Variants in DACH2 observed in about 807,000 individuals in gnomAD.
The protein encoded by DACH2 is dachshund family transcription factor 2, also known as dachshund homolog 2.
DACH2 carries 17 observed loss-of-function variants against 35.8 expected under a neutral mutation model. The observed-to-expected ratio is 0.48, with a 90% CI of 0.33 to 0.71. DACH2 has a LOEUF of 0.71. DACH2 is among the 30% of genes least tolerant of loss of function. The pLI, the probability that DACH2 is intolerant of heterozygous loss-of-function variation, is 0.02. For missense variants in DACH2, 469 were observed against 472.7 expected (o/e 0.99, Z 0.07); for synonymous variants, 195 against 177.3 (o/e 1.10, Z -0.79).
intron 7 of DACH2, among the ~76,000 whole-genome samples, chrX:86,786,770 T>C (rs1299590982): frequency 8.9e-6 from 1 of 112,147 alleles, no homozygotes; most frequent in Non-Finnish European, 1.9e-5. Flanking sequence ...TAAAAAATAT[T>C]TTCCTCCAAA....
intron 10 of DACH2, 91 bp from the exon 11 acceptor site, chrX:86,815,943 G>A: frequency 1.4e-6 from 1 of 698,752 alleles, no homozygotes; most frequent in Non-Finnish European, 2.0e-6. Flanking sequence ...GTTATCTATA[G>A]GACCAAAGTA....
intron 3 of DACH2, among the ~76,000 whole-genome samples, chrX:86,552,530 C>T (rs1036522289): frequency 5.4e-5 from 6 of 111,946 alleles, no homozygotes; most frequent in Admixed American, 9.5e-5. Context: ...AAGATTAAAA[C>T]GCAAAACAAC....
chrX:86,580,417 G>A lies in DACH2; in HGVS notation c.640+66026G>A, dbSNP rs2039487863. Reference sequence around the variant, plus strand: ...GTGTAAATGACAGAAATAGAATTCAGAATATGGACACAAATGAAGATTATT... The same window carrying A: ...GTGTAAATGACAGAAATAGAATTCAAAATATGGACACAAATGAAGATTATT... On this transcript the variant is annotated intron_variant, in intron 3 of 11. Transcript: ENST00000373125. Among the ~76,000 whole-genome samples, 4 of 111,420 alleles carry A rather than the reference G, an allele frequency of 3.6e-5. No individual in the cohort carries two copies. The Admixed American group carries it at 3.8e-4, about 11-fold the overall frequency.
At position 86,695,168 on chromosome X, in the gene DACH2, T is replaced by C; in HGVS notation, c.920T>C (p.Leu307Pro). 15 of 1,077,686 alleles carry C rather than the reference T, an allele frequency of 1.4e-5. No homozygotes were observed. Among genetic ancestry groups the C allele is most frequent in the Non-Finnish European group, 1.8e-5 (15 of 825,282 alleles). The allele number at this position is 1,077,686 out of a possible 1,213,427, so 88.8% of individuals were successfully genotyped here. A position where few individuals can be genotyped will look rare whatever the true frequency, so the allele number is the denominator to read the frequency against. ...CTCAATCCACTGCAGCAGAACCACC[T>C]GCTAACCAATAGTATGTATACTGTC... is the stretch of plus-strand genomic sequence containing the variant. Reference protein sequence around the residue: ...PTLNPLQQNHLLTNRLDLPFM... With the variant: ...PTLNPLQQNHPLTNRLDLPFM... The change falls in exon 5 of 12, where the codon CTG (leucine) becomes CCG (proline). Residue 307 changes from leucine to proline, a missense_variant. By Grantham distance (98) the Leu-to-Pro change is moderately conservative. This residue lies in a region of DACH2 where 363 missense variants were observed against 334.4 expected (regional missense o/e 1.09). Transcript: ENST00000373125.
intron 1 of DACH2, among the ~76,000 whole-genome samples, chrX:86,314,357 A>T (rs1301724136): frequency 9.0e-6 from 1 of 110,673 alleles, no homozygotes; most frequent in African/African-American, 3.3e-5. Flanking sequence ...TCTCTACAAA[A>T]AAATTAAAAA....
intron 6 of DACH2, among the ~76,000 whole-genome samples, chrX:86,724,019 G>A (rs1451499759): frequency 9.0e-6 from 1 of 110,739 alleles, no homozygotes; most frequent in African/African-American, 3.3e-5. Flanking sequence ...TTAAAGGAAA[G>A]TTTCTTGTTA....
At chrX:86,665,481 G>A (rs1390039757) in intron 4 of DACH2, among the ~76,000 whole-genome samples, 1 of 111,563 alleles carries the variant, frequency 9.0e-6, no homozygotes, top group Non-Finnish European at 1.9e-5. Context: ...TGAGCCTAAT[G>A]TGTTTTCTAC....
intron 3 of DACH2, among the ~76,000 whole-genome samples, chrX:86,517,907 C>A (rs762781121): frequency 9.0e-6 from 1 of 111,640 alleles, no homozygotes; most frequent in African/African-American, 3.3e-5. Context: ...TTAATTAGAT[C>A]CCACTTGTCA....
At chrX:86,475,678 T>C (rs1027803307) in intron 2 of DACH2, among the ~76,000 whole-genome samples, 1 of 111,900 alleles carries the variant, frequency 8.9e-6, no homozygotes. Flanking sequence ...TCTTTATTTC[T>C]TTGTCTTGTC....
intron 7 of DACH2, among the ~76,000 whole-genome samples, chrX:86,770,286 A>T (rs2041976508): frequency 9.0e-6 from 1 of 111,539 alleles, no homozygotes; most frequent in South Asian, 3.8e-4. Context: ...GGAGTCCAAG[A>T]TAGCATCCTA....
In DACH2 at chrX:86,811,434, C is replaced by CT. The variant is rs751128917; in HGVS notation, c.1241-1415dup. ...TATAGGAACCAGAACCAATAGACATCTTTTTTTGTTTCCAAACCATGTGAA... is the reference window on the plus strand; with the variant it reads ...TATAGGAACCAGAACCAATAGACATCTTTTTTTTGTTTCCAAACCATGTGAA... On this transcript the variant is annotated intron_variant, in intron 7 of 11. Coordinates refer to ENST00000373125, the MANE Select transcript of DACH2 (RefSeq NM_053281.3). 3.8e-4 allele frequency among the ~76,000 whole-genome samples: 43 copies of CT among 111,711 alleles called. 1 individual carries two copies. Among genetic ancestry groups the CT allele is most frequent in the Admixed American group, 3.1e-3 (33 of 10,501 alleles).
intron 1 of DACH2, among the ~76,000 whole-genome samples, chrX:86,157,519 C>G (rs1294273346): frequency 1.8e-5 from 2 of 111,463 alleles, no homozygotes; most frequent in African/African-American, 6.5e-5. Flanking sequence ...AATTTGCAAG[C>G]TAAACATAAC....
intron 3 of DACH2, among the ~76,000 whole-genome samples, chrX:86,578,327 GTT>G (rs78222058): frequency 1.6e-4 from 17 of 103,444 alleles, no homozygotes; most frequent in African/African-American, 2.8e-4. Context: ...AGAAAAATAG[GTT>G]TTTTTTTTTT....
chrX:86,289,107 T>C (rs934503844), intron 1 of DACH2, among the ~76,000 whole-genome samples: 12 of 109,357 alleles, frequency 1.1e-4, no homozygotes, highest in Admixed American at 9.9e-5. Context: ...TGATGACTTC[T>C]TCCAGGTCTT....
intron 7 of DACH2, among the ~76,000 whole-genome samples, chrX:86,745,469 A>G (rs1459104005): frequency 1.8e-5 from 2 of 110,454 alleles, no homozygotes; most frequent in Non-Finnish European, 3.8e-5. Context: ...CTTTGTTTCT[A>G]TGTGTTCTCA....
rs750465862 is a variant in DACH2 at position 86,727,228 on chromosome X, CA to C, written c.1104+12510del. ...ATCCACTATGAATTAAGAAAAGTCA[CA>C]ATGGCCTTTCCCAAAACCTCTTTGT... On this transcript the variant is annotated intron_variant, in intron 6 of 11. Transcript: ENST00000373125. Among the ~76,000 whole-genome samples the C allele has an allele frequency of 1.1e-3, 120 of 111,458 alleles. 1 individual carries two copies. The highest frequency in any genetic ancestry group is 3.8e-3 in the African/African-American group (118 of 30,695).
At chrX:86,492,651 C>T (rs748848734) in intron 2 of DACH2, among the ~76,000 whole-genome samples, 2 of 111,491 alleles carry the variant, frequency 1.8e-5, no homozygotes, top group South Asian at 7.6e-4. Context: ...GCCATCTTCA[C>T]GTCTGTGAGT....
chrX:86,171,247 G>C (rs1384805916), intron 1 of DACH2, among the ~76,000 whole-genome samples: 8 of 110,583 alleles, frequency 7.2e-5, no homozygotes, highest in African/African-American at 2.6e-4. Flanking sequence ...TCCTCAAGTG[G>C]AAGGAAAGGG....
intron 1 of DACH2, among the ~76,000 whole-genome samples, chrX:86,300,978 G>A (rs1229795780): frequency 1.8e-5 from 2 of 112,211 alleles, no homozygotes; most frequent in Admixed American, 9.5e-5. Context: ...AATGTAGTAT[G>A]AAGTGGATTC....
Sources: gnomAD v4.1 joint callset for allele counts (sites outside exome capture counted in the v4.1 genomes callset) on GRCh38, gnomAD v4.1.1 for gene constraint, gnomAD v4.1.1 regional missense constraint, MANE v1.5 for transcripts, NCBI Gene and HGNC (gene_info 2026-07-23, HGNC 2026-07-21) for gene names.